The following GPR160 variants were observed in gnomAD, a reference collection of about 807,000 sequenced individuals.
The protein encoded by GPR160 is probable G protein-coupled receptor 160.
A neutral mutation model predicts 2.6 loss-of-function variants in GPR160; 2 were observed. That is an observed-to-expected ratio of 0.77 (90% CI 0.32 to 2.44). The LOEUF is 2.44. GPR160 is among the 30% of genes most tolerant of loss of function. The pLI, the probability that GPR160 is intolerant of heterozygous loss-of-function variation, is 0.11. For missense variants in GPR160, 351 were observed against 383.6 expected (o/e 0.91, Z 0.71); for synonymous variants, 130 against 132.2 (o/e 0.98, Z 0.12).
In GPR160 at chr3:170,085,228, T is replaced by C. The variant is rs76955914; in HGVS notation, c.*239T>C. On this transcript the variant is annotated 3_prime_UTR_variant, in exon 4 of 4. Coordinates refer to ENST00000355897, the MANE Select transcript of GPR160 (RefSeq NM_014373.3). ...AGGGACACTATATTACAAATATTAC[T>C]TTGTTATTAACACAAAAAGTGATAA... is the stretch of plus-strand genomic sequence containing the variant. 110 of 286,004 alleles carry C rather than the reference T, an allele frequency of 3.8e-4. 1 individual carries two copies. The East Asian group carries it at 6.7e-3, about 17-fold the overall frequency. The allele number at this position is 286,004 out of a possible 1,614,324, so 17.7% of individuals were successfully genotyped here.
In GPR160 at chr3:170,084,226, T is replaced by G. The variant is rs1332444175; in HGVS notation, c.254T>G (p.Leu85Ter). 1.2e-6 allele frequency: 2 copies of G among 1,604,764 alleles called. No homozygotes were observed. ...IILYFRDFVLLSIRFTKYHIC... is the reference protein window; with the variant it reads ...IILYFRDFVL ...TTGTATTTCAGGGATTTTGTACTTT[T>G]AAGCATTAGGTTCACTAAATACCAC... Residue 85 changes from leucine (L) to a stop codon, truncating the protein, a stop_gained, in exon 4 of 4, where the codon TTA (leucine) becomes TGA (stop). Coordinates refer to ENST00000355897, the MANE Select transcript of GPR160 (RefSeq NM_014373.3). LOFTEE classifies it low-confidence loss of function (END_TRUNC).
At chr3:170,051,811 GA>G (rs1015502702) in intron 2 of GPR160, among the ~76,000 whole-genome samples, 12 of 151,408 alleles carry the variant, frequency 7.9e-5, no homozygotes, top group African/African-American at 2.7e-4. Context: ...GCCTTTTAAA[GA>G]AAAAAAAAGT....
intron 2 of GPR160, among the ~76,000 whole-genome samples, chr3:170,051,246 CTTATA>C (rs1244227066): frequency 2.6e-5 from 4 of 152,014 alleles, no homozygotes; most frequent in Non-Finnish European, 5.9e-5. Flanking sequence ...TTATTAGTTA[CTTATA>C]TGTCTTCTTT....
intron 2 of GPR160, among the ~76,000 whole-genome samples, chr3:170,051,856 C>G (rs2108316272): frequency 6.6e-6 from 1 of 152,160 alleles, no homozygotes; most frequent in Non-Finnish European, 1.5e-5. Context: ...TTGTTGATTT[C>G]TTTTATGGTT....
Position 170,038,773 on chromosome 3 carries a change from T to C in GPR160, c.-321-142T>C, listed in dbSNP as rs921724712. 2 of 152,256 alleles carry C rather than the reference T, an allele frequency of 1.3e-5. No homozygotes were observed. Among genetic ancestry groups the C allele is most frequent in the Non-Finnish European group, 2.9e-5 (2 of 68,010 alleles). 9.4% of individuals were successfully genotyped at this position (152,256 alleles called of 1,614,324 possible). On this transcript the variant is annotated intron_variant, in intron 1 of 3. Coordinates refer to ENST00000355897, the MANE Select transcript of GPR160 (RefSeq NM_014373.3). This position sits in a 1 kb window ranked among gnomAD's most constrained non-coding sequence, Gnocchi z 5.3. ...CCACTGGGATTAAGCCCCAGGGCCT[T>C]GCCCGGCTATTTGTTTTCCGAGGCC... is the stretch of plus-strand genomic sequence containing the variant.
intron 2 of GPR160, among the ~76,000 whole-genome samples, chr3:170,071,673 G>A (rs1204726347): frequency 6.6e-6 from 1 of 152,166 alleles, no homozygotes; most frequent in Non-Finnish European, 1.5e-5. Flanking sequence ...GTACATGCCT[G>A]TAGTCCCAGC....
At chr3:170,058,996 G>T (rs994208488) in intron 2 of GPR160, among the ~76,000 whole-genome samples, 4 of 150,866 alleles carry the variant, frequency 2.7e-5, no homozygotes, top group African/African-American at 9.8e-5. Context: ...GATGGAAAGG[G>T]AAATAACCAC....
chr3:170,064,139 A>G (rs528122914), intron 2 of GPR160, among the ~76,000 whole-genome samples: 1 of 152,060 alleles, frequency 6.6e-6, no homozygotes, highest in Non-Finnish European at 1.5e-5. Context: ...AGAGATTGAG[A>G]TGATACTCTA....
At chr3:170,058,641 A>G (rs955511807) in intron 2 of GPR160, among the ~76,000 whole-genome samples, 1 of 152,186 alleles carries the variant, frequency 6.6e-6, no homozygotes, top group Non-Finnish European at 1.5e-5. Flanking sequence ...AAAATTGGCA[A>G]TATCTAACAA....
intron 2 of GPR160, among the ~76,000 whole-genome samples, chr3:170,075,871 C>CG (rs1279500290): frequency 6.6e-6 from 1 of 152,204 alleles, no homozygotes; most frequent in African/African-American, 2.4e-5. Flanking sequence ...CCTTCCTTAT[C>CG]GCCAGCCTTA....
chr3:170,061,037 G>A (rs1057148319), intron 2 of GPR160, among the ~76,000 whole-genome samples: 1 of 152,124 alleles, frequency 6.6e-6, no homozygotes, highest in African/African-American at 2.4e-5. Flanking sequence ...CACTTTGGGA[G>A]GCCCAGGAGG....
chr3:170,051,372 C>T (rs892029961), intron 2 of GPR160, among the ~76,000 whole-genome samples: 1 of 152,126 alleles, frequency 6.6e-6, no homozygotes, highest in Non-Finnish European at 1.5e-5. Context: ...TTCTCACCAT[C>T]CTCTTATTGA....
intron 2 of GPR160, among the ~76,000 whole-genome samples, chr3:170,073,794 C>T (rs1381998050): frequency 6.6e-6 from 1 of 150,518 alleles, no homozygotes. Context: ...TCCCTAAATG[C>T]TTGATAGAAT....
At chr3:170,078,642 G>C (rs1712982085) in intron 2 of GPR160, among the ~76,000 whole-genome samples, 1 of 149,690 alleles carries the variant, frequency 6.7e-6, no homozygotes, top group African/African-American at 2.4e-5. Flanking sequence ...GGACTGGTCA[G>C]TGCTAACTAA....
chr3:170,041,666 A>G (rs967847149), intron 2 of GPR160, among the ~76,000 whole-genome samples: 8 of 152,210 alleles, frequency 5.3e-5, no homozygotes, highest in Non-Finnish European at 7.4e-5. Context: ...GACAACCAAC[A>G]AAAATCCCCT....
intron 2 of GPR160, among the ~76,000 whole-genome samples, chr3:170,051,255 C>A (rs1716945230): frequency 6.6e-6 from 1 of 151,990 alleles, no homozygotes; most frequent in African/African-American, 2.4e-5. Flanking sequence ...ACTTATATGT[C>A]TTCTTTTTTA....
Position 170,084,156 on chromosome 3 carries a change from C to T in GPR160, c.184C>T (p.Leu62=), listed in dbSNP as rs778884574. The T allele has an allele frequency of 6.3e-7, 1 of 1,593,036 alleles. No individual in the cohort carries two copies. Among genetic ancestry groups the T allele is most frequent in the African/African-American group, 1.4e-5 (1 of 73,938 alleles). The stretch of plus-strand genomic sequence containing the variant: ...TTTTATGGAATATTTTTGCATTTCA[C>T]TAGCATTCGTTGATCTTTTACTTTT... ...QNFMEYFCIS[L]AFVDLLLLVN... Residue 62 remains leucine (L), a synonymous_variant, in exon 4 of 4, where the codon CTA becomes TTA. Coordinates refer to ENST00000355897, the MANE Select transcript of GPR160 (RefSeq NM_014373.3).
chr3:170,057,551 A>C (rs1711710910), intron 2 of GPR160: 1 of 152,256 alleles, frequency 6.6e-6, no homozygotes, highest in Non-Finnish European at 1.5e-5. Context: ...AGAATAACTA[A>C]GTTTCTTCCA....
In GPR160 at chr3:170,084,164, C is replaced by G. The variant is rs143298236; in HGVS notation, c.192C>G (p.Phe64Leu). Residue 64 changes from phenylalanine to leucine, a missense_variant, in exon 4 of 4, where the codon TTC (phenylalanine) becomes TTG (leucine). Coordinates refer to ENST00000355897, the MANE Select transcript of GPR160 (RefSeq NM_014373.3). ...FMEYFCISLA[F>L]VDLLLLVNIS... ...AATATTTTTGCATTTCACTAGCATTCGTTGATCTTTTACTTTTGGTAAACA... is the reference window on the plus strand; with the variant it reads ...AATATTTTTGCATTTCACTAGCATTGGTTGATCTTTTACTTTTGGTAAACA... 4 of 1,590,258 alleles carry G rather than the reference C, an allele frequency of 2.5e-6. No homozygotes were observed. The East Asian group carries it at 9.0e-5, about 36-fold the overall frequency.
Sources: allele counts gnomAD v4.1 joint callset (sites outside exome capture counted in the v4.1 genomes callset), GRCh38; gene constraint gnomAD v4.1.1; non-coding constraint Gnocchi (gnomAD v3.1); transcripts MANE v1.5; gene names NCBI Gene and HGNC (gene_info 2026-07-23, HGNC 2026-07-21).